Variants in MYO15A observed in about 807,000 individuals in gnomAD.
MYO15A encodes the protein myosin XVA.
Under a neutral mutation model 394.6 loss-of-function variants are expected in MYO15A, and 308 were observed. That is an observed-to-expected ratio of 0.78 (90% CI 0.71 to 0.86). The LOEUF (loss-of-function observed/expected upper bound fraction) is 0.86, where lower values mean the gene tolerates loss of function less well. Among genes scored for constraint, MYO15A ranks in the 40% least tolerant of loss-of-function variants. MYO15A has a pLI of 0.00. For missense variants in MYO15A, 4,606 were observed against 4,799.1 expected (o/e 0.96, Z 1.19); for synonymous variants, 1,957 against 2,003.8 (o/e 0.98, Z 0.62).
intron 28 of MYO15A, 33 bp downstream of exon 28, chr17:18,144,033 C>CTGAT (rs1342978565): frequency 6.2e-7 from 1 of 1,612,374 alleles, no homozygotes; most frequent in African/African-American, 1.3e-5. Flanking sequence ...GGCTCCCTGG[C>CTGAT]TGATAGGCGC....
intron 44 of MYO15A, among the ~76,000 whole-genome samples, 165 bp from the exon 45 acceptor site, chr17:18,154,515 G>T (rs1046827926): frequency 1.3e-5 from 2 of 152,170 alleles, no homozygotes; most frequent in Non-Finnish European, 2.9e-5. Context: ...AAAGGAGAGG[G>T]CCCTGTAAGT....
chr17:18,141,614 G>A (rs2046382650), intron 22 of MYO15A, 39 bp from the exon 23 acceptor site: 5 of 1,591,166 alleles, frequency 3.1e-6, no homozygotes, highest in South Asian at 2.2e-5. Flanking sequence ...ACCTCGGGTA[G>A]GTCTCATAGC....
chr17:18,136,572 C>A lies in MYO15A; in HGVS notation c.4665C>A (p.Ile1555=), dbSNP rs1030022841. 1 of 1,613,938 alleles carries A rather than the reference C, an allele frequency of 6.2e-7. No individual in the cohort carries two copies. Among genetic ancestry groups the A allele is most frequent in the South Asian group, 1.1e-5 (1 of 91,090 alleles). ...ACCACCTCTGCTCCAGGGACGCCAT[C>A]GCCAAGGTCTTGTATGCACTGCTGT... is the stretch of plus-strand genomic sequence containing the variant. ...VESAVDARDA[I]AKVLYALLFS... Residue 1555 remains isoleucine, a synonymous_variant, in exon 15 of 66, where the codon ATC becomes ATA. Transcript: ENST00000647165.
chr17:18,125,432 AC>A (rs1433855190), intron 4 of MYO15A: 4 of 604,314 alleles, frequency 6.6e-6, no homozygotes, highest in Non-Finnish European at 1.2e-5. Flanking sequence ...ACAGTGGCTC[AC>A]CCTGTAATCC....
chr17:18,139,469 G>T, intron 18 of MYO15A, 65 bp from the exon 19 acceptor site: 1 of 1,533,288 alleles, frequency 6.5e-7, no homozygotes, highest in South Asian at 1.2e-5. Flanking sequence ...GGAGGATCCA[G>T]TCCCTCCTAG....
At chr17:18,166,228 A>G in intron 60 of MYO15A, 133 bp from the exon 61 acceptor site, 1 of 1,095,528 alleles carries the variant, frequency 9.1e-7, no homozygotes, top group Non-Finnish European at 1.3e-6. Flanking sequence ...GTGTCCCAGA[A>G]CAGGCAGGTG....
chr17:18,137,735 T>G (rs190000557), intron 16 of MYO15A, 56 bp downstream of exon 16: 1 of 1,556,932 alleles, frequency 6.4e-7, no homozygotes, highest in East Asian at 2.3e-5. Flanking sequence ...GTGGACCTCC[T>G]TGGAGACAGA....
chr17:18,120,896 G>T lies in MYO15A; in HGVS notation c.2096G>T (p.Arg699Leu), dbSNP rs1415109667. The T allele has an allele frequency of 1.4e-6, 2 of 1,387,766 alleles. No individual in the cohort carries two copies. Among genetic ancestry groups the T allele is most frequent in the South Asian group, 1.5e-5 (1 of 68,026 alleles). 86.0% of individuals were successfully genotyped at this position (1,387,766 alleles called of 1,614,324 possible). The change falls in exon 2 of 66, where the codon CGC (arginine) becomes CTC (leucine). Residue 699 changes from arginine to leucine, a missense_variant. Coordinates refer to ENST00000647165, the MANE Select transcript of MYO15A (RefSeq NM_016239.4). Reference protein sequence around the residue: ...RPASPYGSLRRHPPPWAAPAH... With the variant: ...RPASPYGSLRLHPPPWAAPAH... ...GCCTCGCCCTACGGCTCCCTCCGCCGCCACCCGCCGCCCTGGGCCGCCCCA... is the reference window on the plus strand; with the variant it reads ...GCCTCGCCCTACGGCTCCCTCCGCCTCCACCCGCCGCCCTGGGCCGCCCCA...
chr17:18,156,404 C>T (rs2046676167), intron 48 of MYO15A, 68 bp downstream of exon 48: 4 of 1,545,604 alleles, frequency 2.6e-6, no homozygotes, highest in Non-Finnish European at 3.5e-6. Context: ...CTCCCTGTTC[C>T]AGGGAAATAT....
In MYO15A at chr17:18,157,913, TGGGTGGGGTG is replaced by T; in HGVS notation, c.8967+17_8967+26del. On this transcript the variant is annotated intron_variant, in intron 51 of 65. Coordinates refer to ENST00000647165, the MANE Select transcript of MYO15A (RefSeq NM_016239.4). The stretch of plus-strand genomic sequence containing the variant: ...CCGCAGGAGAGAGGTGAGACCAGTG[TGGGTGGGGTG>T]GGGCGGGGTAGACCAGGGGGAAGGG... The T allele has an allele frequency of 1.4e-5, 1 of 72,032 alleles. No individual in the cohort carries two copies. The highest frequency in any genetic ancestry group is 2.2e-5 in the Non-Finnish European group (1 of 44,588). 4.5% of individuals were successfully genotyped at this position (72,032 alleles called of 1,614,324 possible).
At chr17:18,143,314 T>C (rs954933781) in intron 25 of MYO15A, among the ~76,000 whole-genome samples, 2 of 152,154 alleles carry the variant, frequency 1.3e-5, no homozygotes, top group African/African-American at 2.4e-5. Context: ...TCCTTGTGTG[T>C]CTCTTTCCCC....
Position 18,144,566 on chromosome 17 carries a change from G to A in MYO15A, c.6247G>A (p.Ala2083Thr). Residue 2083 changes from alanine to threonine, a missense_variant, in exon 29 of 66, where the codon GCA (alanine) becomes ACA (threonine). By Grantham distance (58) the Ala-to-Thr change is moderately conservative. Around this residue, in one of 2 missense-constraint regions of MYO15A, gnomAD observed 2,776 missense variants for 3,109.3 expected, o/e 0.89. Coordinates refer to ENST00000647165, the MANE Select transcript of MYO15A (RefSeq NM_016239.4). ...CACGCAGCTGCCAGCCGAGCACCAT[G>A]CAGAAGCCGTGAGCATCTTCAAGCT... ...PLTQLPAEHH[A>T]EAVSIFKLIL... The A allele has an allele frequency of 6.2e-7, 1 of 1,612,982 alleles. No homozygotes were observed. The highest frequency in any genetic ancestry group is 8.5e-7 in the Non-Finnish European group (1 of 1,180,012).
intron 13 of MYO15A, among the ~76,000 whole-genome samples, chr17:18,136,049 C>T (rs1401835552): frequency 6.6e-6 from 1 of 152,216 alleles, no homozygotes; most frequent in Non-Finnish European, 1.5e-5. Flanking sequence ...CCTCTTTTCA[C>T]ACCTACTCAT....
At chr17:18,152,744 C>G (rs1200592718) in intron 42 of MYO15A, among the ~76,000 whole-genome samples, 2 of 152,156 alleles carry the variant, frequency 1.3e-5, no homozygotes, top group Non-Finnish European at 2.9e-5. Flanking sequence ...ACATTCTGTT[C>G]CTCTCTGTTC....
intron 1 of MYO15A, among the ~76,000 whole-genome samples, chr17:18,112,782 A>G (rs2142222890): frequency 6.6e-6 from 1 of 152,260 alleles, no homozygotes; most frequent in Admixed American, 6.5e-5. Flanking sequence ...TAAAAATCAA[A>G]CTAATATAGA....
rs761922773 is a variant in MYO15A at position 18,126,821 on chromosome 17, C to A, written c.3897C>A (p.Phe1299Leu). 7.4e-6 allele frequency: 12 copies of A among 1,614,058 alleles called. No homozygotes were observed. Among genetic ancestry groups the A allele is most frequent in the Non-Finnish European group, 1.0e-5 (12 of 1,180,014 alleles). Reference sequence around the variant, plus strand: ...TCTTTGCTGTTGCAAATCTCGCCTTCGCCAAAATGCTCGATGCCAAACAGA... The same window carrying A: ...TCTTTGCTGTTGCAAATCTCGCCTTAGCCAAAATGCTCGATGCCAAACAGA... ...PHLFAVANLAFAKMLDAKQNQ... is the reference protein window; with the variant it reads ...PHLFAVANLALAKMLDAKQNQ... The change falls in exon 6 of 66, where the codon TTC (phenylalanine) becomes TTA (leucine). Residue 1299 changes from phenylalanine to leucine, a missense_variant. By Grantham distance (22) the Phe-to-Leu change is conservative. This residue lies in a region of MYO15A where 2,776 missense variants were observed against 3,109.3 expected (regional missense o/e 0.89). Transcript: ENST00000647165.
At chr17:18,131,723 C>T (rs569564156) in intron 10 of MYO15A, among the ~76,000 whole-genome samples, 192 bp downstream of exon 10, 18 of 152,238 alleles carry the variant, frequency 1.2e-4, no homozygotes, top group East Asian at 3.9e-4. Context: ...CTCCCTGCCC[C>T]GCAGCACACA....
In MYO15A at chr17:18,163,852, A is replaced by C. The variant is rs1245728154; in HGVS notation, c.9787+14A>C. The C allele has an allele frequency of 1.9e-6, 3 of 1,611,484 alleles. No individual in the cohort carries two copies. In the African/African-American group the frequency reaches 4.0e-5, roughly 21 times the overall value. Reference sequence around the variant, plus strand: ...TCACCAACCGTGGTGAGTGCCAGGAAGACTGAGCATGCTGGGCCCATTCCC... The same window carrying C: ...TCACCAACCGTGGTGAGTGCCAGGACGACTGAGCATGCTGGGCCCATTCCC... On this transcript the variant is annotated intron_variant, in intron 60 of 65. Transcript: ENST00000647165.
chr17:18,158,812 G>A lies in MYO15A; in HGVS notation c.9084-113G>A. ...CCTCTGGGGGTCTTCGTGACCGGTA[G>A]ACTGATCAGTGGTGGGTCAAGAACC... On this transcript the variant is annotated intron_variant, in intron 52 of 65. Transcript: ENST00000647165. 1.4e-6 allele frequency: 2 copies of A among 1,420,612 alleles called. No individual in the cohort carries two copies. Among genetic ancestry groups the A allele is most frequent in the South Asian group, 2.3e-5 (2 of 87,052 alleles). The allele number at this position is 1,420,612 out of a possible 1,614,324, so 88.0% of individuals were successfully genotyped here.
Sources: gnomAD v4.1 joint callset for allele counts (sites outside exome capture counted in the v4.1 genomes callset) on GRCh38, gnomAD v4.1.1 for gene constraint, gnomAD v4.1.1 regional missense constraint, MANE v1.5 for transcripts, NCBI Gene and HGNC (gene_info 2026-07-23, HGNC 2026-07-21) for gene names.